SCEL: variants seen among roughly 807,000 people sequenced by gnomAD.
SCEL encodes the protein sciellin.
SCEL carries 113 observed loss-of-function variants against 117.6 expected under a neutral mutation model. That is an observed-to-expected ratio of 0.96 (90% CI 0.83 to 1.12). The LOEUF (loss-of-function observed/expected upper bound fraction) is 1.12. SCEL is among the 50% of genes most tolerant of loss of function. SCEL has a pLI of 0.00. For synonymous variants in SCEL, 270 were observed against 256.2 expected (o/e 1.05, Z -0.51); for missense variants, 785 against 810.8 (o/e 0.97, Z 0.39).
intron 4 of SCEL, among the ~76,000 whole-genome samples, chr13:77,562,264 A>C (rs954505941): frequency 2.6e-5 from 4 of 152,152 alleles, no homozygotes; most frequent in African/African-American, 4.8e-5. Context: ...CTAGAGACAT[A>C]GTGATGGTGT....
chr13:77,609,096 G>A lies in SCEL; in HGVS notation c.1256G>A (p.Gly419Glu). The stretch of plus-strand genomic sequence containing the variant: ...AATAACTTCATCAAAGTGTATCCAG[G>A]AACAGAAAAAAGTACTGAAGGGTAA... The part of the protein sequence containing the change: ...DLNNFIKVYP[G>E]TEKSTEGGQS... Residue 419 changes from glycine to glutamate, a missense_variant, in exon 21 of 33, where the codon GGA becomes GAA. Physicochemically the swap from Gly to Glu is moderately conservative, Grantham distance 98. Transcript: ENST00000349847. 1 of 1,595,300 alleles carries A rather than the reference G, an allele frequency of 6.3e-7. No individual in the cohort carries two copies. Among genetic ancestry groups the A allele is most frequent in the Non-Finnish European group, 8.5e-7 (1 of 1,174,954 alleles).
intron 1 of SCEL, among the ~76,000 whole-genome samples, chr13:77,546,872 C>T (rs1343940795): frequency 6.6e-6 from 1 of 152,110 alleles, no homozygotes; most frequent in Non-Finnish European, 1.5e-5. Flanking sequence ...TATGATTGCC[C>T]ACAGTCACTA....
rs752304479 is a variant in SCEL, at chr13:77,581,502, A to G, written c.546-7642A>G. ...GCTGCTTTGCCCAACCCAGATTCCC[A>G]CCTCTCCTCCCTCTCTTGGAGCTCT... On this transcript the variant is annotated intron_variant, in intron 9 of 32. Coordinates refer to ENST00000349847, the MANE Select transcript of SCEL (RefSeq NM_144777.3). 4.0e-5 allele frequency among the ~76,000 whole-genome samples: 6 copies of G among 151,800 alleles called. No homozygotes were observed. The East Asian group carries it at 1.2e-3, about 29-fold the overall frequency.
At chr13:77,592,986 A>G (rs1358930639) in intron 11 of SCEL, among the ~76,000 whole-genome samples, 1 of 152,164 alleles carries the variant, frequency 6.6e-6, no homozygotes, top group African/African-American at 2.4e-5. Context: ...CACCTATTCT[A>G]GAGTCTGAGA....
intron 31 of SCEL, among the ~76,000 whole-genome samples, chr13:77,641,851 G>A (rs1443529468): frequency 6.6e-6 from 1 of 151,904 alleles, no homozygotes; most frequent in African/African-American, 2.4e-5. Flanking sequence ...CTCATTTTGA[G>A]CAAAACATTC....
At chr13:77,594,258 A>G (rs921503897) in intron 12 of SCEL, among the ~76,000 whole-genome samples, 1 of 152,226 alleles carries the variant, frequency 6.6e-6, no homozygotes, top group Non-Finnish European at 1.5e-5. Context: ...TGCCCATTCA[A>G]TGGCATATAA....
intron 9 of SCEL, among the ~76,000 whole-genome samples, chr13:77,576,570 C>T (rs1198026603): frequency 6.6e-6 from 1 of 152,178 alleles, no homozygotes; most frequent in Non-Finnish European, 1.5e-5. Flanking sequence ...CTCTGAGTTG[C>T]CTTTGGGTAG....
In SCEL at chr13:77,597,589, G is replaced by A. The variant is rs1193538666; in HGVS notation, c.797G>A (p.Arg266Lys). The A allele has an allele frequency of 2.8e-6, 4 of 1,450,272 alleles. No homozygotes were observed. Among genetic ancestry groups the A allele is most frequent in the Non-Finnish European group, 2.8e-6 (3 of 1,063,786 alleles). The allele number at this position is 1,450,272 out of a possible 1,614,324, so 89.8% of individuals were successfully genotyped here. ...NLIKMNKSLN[R>K]NQGLDSLFRA... ...ATCAAAATGAACAAAAGCTTGAATA[G>A]GTAAGATTTTTAAATGTTTATCTTT... The change falls in exon 13 of 33, where the codon AGG becomes AAG. Residue 266 changes from arginine to lysine, a missense_variant and splice_region_variant. By Grantham distance (26) the Arg-to-Lys change is conservative. Transcript: ENST00000349847.
At chr13:77,622,674 T>A (rs2089488081) in intron 27 of SCEL, among the ~76,000 whole-genome samples, 1 of 152,062 alleles carries the variant, frequency 6.6e-6, no homozygotes, top group South Asian at 2.1e-4. Context: ...CCAGCCTGGT[T>A]AGCATGGTGA....
At chr13:77,613,092 T>A (rs2088784366) in intron 23 of SCEL, 151 bp downstream of exon 23, 4 of 541,070 alleles carry the variant, frequency 7.4e-6, no homozygotes, top group African/African-American at 2.3e-5. Context: ...TAGATTTTTC[T>A]GTCTATTATT....
intron 14 of SCEL, 144 bp from the exon 15 acceptor site, chr13:77,599,545 T>C: frequency 1.2e-6 from 1 of 868,972 alleles, no homozygotes; most frequent in Non-Finnish European, 1.9e-6. Context: ...TCAGACATAA[T>C]TACCCAGAAG....
chr13:77,591,470 T>A lies in SCEL; in HGVS notation c.692+10T>A. The A allele has an allele frequency of 6.9e-7, 1 of 1,444,490 alleles. No individual in the cohort carries two copies. Among genetic ancestry groups the A allele is most frequent in the Non-Finnish European group, 9.7e-7 (1 of 1,029,286 alleles). 89.5% of individuals were successfully genotyped at this position (1,444,490 alleles called of 1,614,324 possible). A position where few individuals can be genotyped will look rare whatever the true frequency, so the allele number is the denominator to read the frequency against. On this transcript the variant is annotated intron_variant, in intron 11 of 32. Transcript: ENST00000349847. ...CTGAAAGAAATATAAGGTACACTGA[T>A]TTCTATTTATATCTATGTAACTGTA...
rs556889516 is a variant in SCEL at position 77,644,283 on chromosome 13, C to T, written c.*9C>T. 6 of 1,612,506 alleles carry T rather than the reference C, an allele frequency of 3.7e-6. No individual in the cohort carries two copies. The South Asian group carries it at 6.6e-5, about 18-fold the overall frequency. On this transcript the variant is annotated 3_prime_UTR_variant, in exon 33 of 33. Coordinates refer to ENST00000349847, the MANE Select transcript of SCEL (RefSeq NM_144777.3). ...CAAAGTGGATTCCATAACTCTGGCACAAGGAAATCAAGATGAAAAGCACTC... is the reference window on the plus strand; with the variant it reads ...CAAAGTGGATTCCATAACTCTGGCATAAGGAAATCAAGATGAAAAGCACTC...
intron 26 of SCEL, 25 bp from the exon 27 acceptor site, chr13:77,617,979 T>G: frequency 6.2e-7 from 1 of 1,611,518 alleles, no homozygotes. Flanking sequence ...CAATCTGAAC[T>G]TTTTTCTCTC....
chr13:77,579,641 C>A (rs893831004), intron 9 of SCEL, among the ~76,000 whole-genome samples: 5 of 152,120 alleles, frequency 3.3e-5, no homozygotes, highest in Non-Finnish European at 5.9e-5. Flanking sequence ...GAAGGCTGGC[C>A]CTCATCAAGG....
chr13:77,560,901 G>A (rs1425732529), intron 4 of SCEL, among the ~76,000 whole-genome samples: 1 of 151,468 alleles, frequency 6.6e-6, no homozygotes, highest in Non-Finnish European at 1.5e-5. Flanking sequence ...CTTGGGACAC[G>A]TCTATTTTGG....
chr13:77,553,199 G>C (rs2084445621), intron 1 of SCEL, among the ~76,000 whole-genome samples: 1 of 152,188 alleles, frequency 6.6e-6, no homozygotes, highest in East Asian at 1.9e-4. Context: ...CTCTCTCCCA[G>C]ATGCTGGGAA....
chr13:77,644,619 C>CT lies in SCEL; in HGVS notation c.*352dup, dbSNP rs1468997648. Reference sequence around the variant, plus strand: ...TAAACCAAGTTTCTCATTTCTTCACCTTTTTTTCTCTAAGAATTTGGATTC... The same window carrying CT: ...TAAACCAAGTTTCTCATTTCTTCACCTTTTTTTTCTCTAAGAATTTGGATTC... On this transcript the variant is annotated 3_prime_UTR_variant, in exon 33 of 33. Coordinates refer to ENST00000349847, the MANE Select transcript of SCEL (RefSeq NM_144777.3). 2 of 180,608 alleles carry CT rather than the reference C, an allele frequency of 1.1e-5. No individual in the cohort carries two copies. Among genetic ancestry groups the CT allele is most frequent in the Non-Finnish European group, 2.3e-5 (2 of 87,278 alleles). The allele number at this position is 180,608 out of a possible 1,614,324, so 11.2% of individuals were successfully genotyped here.
intron 22 of SCEL, among the ~76,000 whole-genome samples, chr13:77,612,363 T>C (rs2088696122): frequency 6.6e-6 from 1 of 151,972 alleles, no homozygotes; most frequent in Admixed American, 6.6e-5. Flanking sequence ...TCTGAACTGA[T>C]TTAATATCTT....
Sources: allele counts gnomAD v4.1 joint callset (sites outside exome capture counted in the v4.1 genomes callset), GRCh38; gene constraint gnomAD v4.1.1; transcripts MANE v1.5; gene names NCBI Gene and HGNC (gene_info 2026-07-23, HGNC 2026-07-21).